GALNT13: variants seen among roughly 807,000 people sequenced by gnomAD.
GALNT13 encodes the protein UDP-GalNAc:polypeptide N-acetylgalactosaminyltransferase 13.
GALNT13 carries 28 observed loss-of-function variants against 64.2 expected under a neutral mutation model. The ratio of observed to expected loss-of-function variants is 0.44; its 90% CI spans 0.32 to 0.60. The LOEUF is 0.60. Among genes scored for constraint, GALNT13 ranks in the 20% least tolerant of loss-of-function variants. GALNT13 has a pLI of 0.05. For missense variants in GALNT13, 577 were observed against 669.8 expected (o/e 0.86, Z 1.53); for synonymous variants, 214 against 224.6 (o/e 0.95, Z 0.42).
the GALNT13 span, among the ~76,000 whole-genome samples, chr2:153,513,453 T>C: frequency 6.6e-6 from 1 of 152,182 alleles, no homozygotes; most frequent in African/African-American, 2.4e-5. Flanking sequence ...CTAATGCTTG[T>C]CAATATCTAT....
the GALNT13 span, among the ~76,000 whole-genome samples, chr2:153,331,059 A>G: frequency 6.6e-6 from 1 of 152,066 alleles, no homozygotes; most frequent in Non-Finnish European, 1.5e-5. Context: ...TTTTAACTCT[A>G]TGTGTGGAAT....
In GALNT13 at chr2:154,006,496, A is replaced by G. The variant is rs796069435; in HGVS notation, c.142+61857A>G. ...ATGTACTAAATCTTGTAAATTGGTT[A>G]TAACTATTTGTGAATAAAATCTCAT... On this transcript the variant is annotated intron_variant, in intron 3 of 12. Transcript: ENST00000392825. Among the ~76,000 whole-genome samples the G allele has an allele frequency of 9.8e-5, 15 of 152,336 alleles. 1 individual carries two copies. The highest frequency in any genetic ancestry group is 3.6e-4 in the African/African-American group (15 of 41,568).
intron 3 of GALNT13, among the ~76,000 whole-genome samples, chr2:154,118,988 C>T (rs751255945): frequency 2.4e-4 from 37 of 152,226 alleles, no homozygotes; most frequent in South Asian, 6.2e-4. Context: ...ACCTTACACA[C>T]ACATCATTAA....
At chr2:153,630,817 T>A in the GALNT13 span, among the ~76,000 whole-genome samples, 60 of 96,820 alleles carry the variant, frequency 6.2e-4, no homozygotes, top group Non-Finnish European at 9.0e-4. Context: ...ATTTTTTTTT[T>A]TTTTTTTATT....
chr2:153,823,671 A>T, the GALNT13 span, among the ~76,000 whole-genome samples: 1 of 152,356 alleles, frequency 6.6e-6, no homozygotes, highest in Admixed American at 6.5e-5. Flanking sequence ...AAACATTTTG[A>T]GAATACTTAG....
At chr2:153,996,755 T>C (rs1296287278) in intron 3 of GALNT13, among the ~76,000 whole-genome samples, 1 of 152,194 alleles carries the variant, frequency 6.6e-6, no homozygotes, top group Non-Finnish European at 1.5e-5. Flanking sequence ...GAATCAATTT[T>C]GTGAAGTGTT....
chr2:153,652,607 T>A, the GALNT13 span, among the ~76,000 whole-genome samples: 3 of 151,978 alleles, frequency 2.0e-5, no homozygotes, highest in African/African-American at 7.3e-5. Flanking sequence ...AGAGTGAGAC[T>A]CTGTCTCAAA....
intron 9 of GALNT13, among the ~76,000 whole-genome samples, chr2:154,326,927 A>G (rs1388005393): frequency 2.0e-5 from 3 of 152,144 alleles, no homozygotes; most frequent in African/African-American, 4.8e-5. Flanking sequence ...TTCGTCCATC[A>G]GGAGTTCCTA....
At chr2:154,012,868 A>G (rs1219063865) in intron 3 of GALNT13, among the ~76,000 whole-genome samples, 1 of 151,988 alleles carries the variant, frequency 6.6e-6, no homozygotes, top group Admixed American at 6.6e-5. Context: ...CTTTGTGATT[A>G]TATTATGGAA....
the GALNT13 span, among the ~76,000 whole-genome samples, chr2:153,403,401 C>T: frequency 6.6e-6 from 1 of 152,134 alleles, no homozygotes; most frequent in Admixed American, 6.5e-5. Context: ...GCCCTGCCCC[C>T]AGAGGTGGAG....
At chr2:153,397,437 G>A in the GALNT13 span, among the ~76,000 whole-genome samples, 3 of 152,070 alleles carry the variant, frequency 2.0e-5, no homozygotes, top group South Asian at 4.1e-4. Context: ...ATTCACTGGT[G>A]CACTGACTTT....
At chr2:153,263,758 A>G in the GALNT13 span, among the ~76,000 whole-genome samples, 3 of 152,204 alleles carry the variant, frequency 2.0e-5, no homozygotes. Flanking sequence ...AGAAAATTAA[A>G]ACTGGACCCC....
the GALNT13 span, among the ~76,000 whole-genome samples, chr2:153,423,769 A>G: frequency 6.6e-6 from 1 of 151,898 alleles, no homozygotes; most frequent in Non-Finnish European, 1.5e-5. Flanking sequence ...AAAGTTATAA[A>G]AGACCTAATT....
At chr2:153,577,288 T>C in the GALNT13 span, among the ~76,000 whole-genome samples, 2,451 of 152,242 alleles carry the variant, frequency 0.016, 62 homozygotes, top group African/African-American at 0.053. Flanking sequence ...TTAAAACAGT[T>C]TGCTAACAGT....
At chr2:153,524,035 T>C in the GALNT13 span, among the ~76,000 whole-genome samples, 1 of 152,316 alleles carries the variant, frequency 6.6e-6, no homozygotes, top group East Asian at 1.9e-4. Context: ...TTTGCTACTT[T>C]TTCTGCATCT....
chr2:153,347,204 A>G, the GALNT13 span, among the ~76,000 whole-genome samples: 5 of 152,216 alleles, frequency 3.3e-5, no homozygotes, highest in Admixed American at 3.3e-4. Context: ...AGCCTGCCCA[A>G]GCTTCTCCAG....
intron 4 of GALNT13, among the ~76,000 whole-genome samples, chr2:154,173,803 C>G (rs1408454179): frequency 2.6e-5 from 4 of 152,076 alleles, no homozygotes. Flanking sequence ...CACTAATCAT[C>G]AGAGAAATGT....
chr2:154,133,249 T>C (rs977723367), intron 3 of GALNT13, among the ~76,000 whole-genome samples: 12 of 152,042 alleles, frequency 7.9e-5, no homozygotes, highest in Non-Finnish European at 1.3e-4. Context: ...GTAGTAGTTA[T>C]ACAAAATATT....
chr2:153,108,257 ATAAATT>A, the GALNT13 span, among the ~76,000 whole-genome samples: 1 of 152,080 alleles, frequency 6.6e-6, no homozygotes, highest in African/African-American at 2.4e-5. Flanking sequence ...AATATAACAA[ATAAATT>A]TAAAAAGAAC....
Sources: allele counts gnomAD v4.1 joint callset (sites outside exome capture counted in the v4.1 genomes callset), GRCh38; gene constraint gnomAD v4.1.1; transcripts MANE v1.5; gene names NCBI Gene and HGNC (gene_info 2026-07-23, HGNC 2026-07-21).